CCDC91: variants seen among roughly 807,000 people sequenced by gnomAD.
CCDC91 encodes the protein coiled-coil domain containing 91.
In CCDC91, 48 loss-of-function variants were observed where a neutral mutation model predicts 63.2. The ratio of observed to expected loss-of-function variants is 0.76; its 90% confidence interval spans 0.60 to 0.97. CCDC91 has a LOEUF of 0.97. CCDC91 is among the 50% of genes least tolerant of loss of function. The pLI is 0.00. For missense variants in CCDC91, 500 were observed against 494.6 expected, an observed-to-expected ratio of 1.01 and a Z score of -0.10; for synonymous variants, 167 against 165.8, an observed-to-expected ratio of 1.01 and a Z score of -0.06.
intron 1 of CCDC91, chr12:28,190,886 C>G (rs964428052): frequency 1.3e-5 from 2 of 152,246 alleles, no homozygotes; most frequent in Non-Finnish European, 2.9e-5. Flanking sequence ...CGGTGGGTAC[C>G]GGTATCTGCA....
intron 10 of CCDC91, 72 bp downstream of exon 10, chr12:28,450,490 C>G (rs1185030689): frequency 2.9e-6 from 3 of 1,037,858 alleles, no homozygotes; most frequent in Admixed American, 2.0e-5. Flanking sequence ...TAATAGTATT[C>G]TCAATCTTTT....
Position 28,351,676 on chromosome 12 carries a change from CT to C in CCDC91, c.577-10749del, listed in dbSNP as rs539085210. Among the ~76,000 whole-genome samples, 110 of 145,574 alleles carry C rather than the reference CT, an allele frequency of 7.6e-4. No individual in the cohort carries two copies. In the South Asian group the frequency reaches 0.012, roughly 15 times the overall value. On this transcript the variant is annotated intron_variant, in intron 6 of 12. Coordinates refer to ENST00000536442, the MANE Select transcript of CCDC91 (RefSeq NM_018318.5). ...TAGATCTAACCTCAGGTCATTCCTC[CT>C]TTTTTTTTTTTTCTGAAGATTAGCA... is the stretch of plus-strand genomic sequence containing the variant.
In CCDC91 at chr12:28,382,845, G is replaced by A. The variant is rs78120634; in HGVS notation, c.655-8459G>A. Among the ~76,000 whole-genome samples the A allele has an allele frequency of 2.2e-3, 331 of 152,084 alleles. 3 individuals are homozygous for A. Among genetic ancestry groups the A allele is most frequent in the African/African-American group, 7.5e-3 (313 of 41,486 alleles). ...TTAATTGTATGAATGATTATGAAGA[G>A]GTTATTTTGGTCAGAATTTTTTTTT... is the stretch of plus-strand genomic sequence containing the variant. On this transcript the variant is annotated intron_variant, in intron 7 of 12. Coordinates refer to ENST00000536442, the MANE Select transcript of CCDC91 (RefSeq NM_018318.5).
At chr12:28,518,321 A>G (rs1284713778) in intron 12 of CCDC91, among the ~76,000 whole-genome samples, 1 of 151,694 alleles carries the variant, frequency 6.6e-6, no homozygotes, top group East Asian at 1.9e-4. Flanking sequence ...TCTTATGGCC[A>G]TTGTTGCAGT....
At chr12:28,503,464 G>A (rs1938244796) in intron 12 of CCDC91, among the ~76,000 whole-genome samples, 1 of 152,144 alleles carries the variant, frequency 6.6e-6, no homozygotes, top group Non-Finnish European at 1.5e-5. Flanking sequence ...TGGAGAAATA[G>A]GAACACTTTT....
chr12:28,374,124 C>T (rs1167529409), intron 7 of CCDC91, among the ~76,000 whole-genome samples: 12 of 152,138 alleles, frequency 7.9e-5, no homozygotes, highest in African/African-American at 1.7e-4. Context: ...GTTCCCCCTG[C>T]TAGCTCCTCA....
chr12:28,432,316 T>G (rs1026259519), intron 8 of CCDC91, among the ~76,000 whole-genome samples: 3 of 152,068 alleles, frequency 2.0e-5, no homozygotes, highest in African/African-American at 7.2e-5. Context: ...TTCTCATATG[T>G]TGAGGGAGGG....
chr12:28,462,819 A>C (rs1469303563), intron 11 of CCDC91, among the ~76,000 whole-genome samples: 3 of 152,076 alleles, frequency 2.0e-5, no homozygotes. Flanking sequence ...AAGATATTCT[A>C]TGAGCACATT....
At chr12:28,256,847 G>C (rs1274457372) in intron 1 of CCDC91, 1 of 192,328 alleles carries the variant, frequency 5.2e-6, no homozygotes, top group Non-Finnish European at 1.1e-5. Flanking sequence ...TTCTTAGCTG[G>C]AGTTTGTGCT....
At chr12:28,372,585 ATT>A (rs34189454) in intron 7 of CCDC91, among the ~76,000 whole-genome samples, 1 of 148,398 alleles carries the variant, frequency 6.7e-6, no homozygotes, top group African/African-American at 2.5e-5. Context: ...GGGTATTTAA[ATT>A]TTTTTTTTGT....
At chr12:28,322,921 TC>T (rs1312855599) in intron 6 of CCDC91, among the ~76,000 whole-genome samples, 3 of 151,614 alleles carry the variant, frequency 2.0e-5, no homozygotes, top group Non-Finnish European at 4.4e-5. Flanking sequence ...AATTTTTATT[TC>T]CTTATTAGTA....
At chr12:28,433,467 A>G (rs562161953) in intron 8 of CCDC91, among the ~76,000 whole-genome samples, 1 of 152,106 alleles carries the variant, frequency 6.6e-6, no homozygotes, top group Middle Eastern at 3.4e-3. Context: ...AATTTTTTAA[A>G]AAGACTATCT....
At chr12:28,509,565 GT>G (rs1565496500) in intron 12 of CCDC91, among the ~76,000 whole-genome samples, 1 of 151,652 alleles carries the variant, frequency 6.6e-6, no homozygotes, top group African/African-American at 2.4e-5. Flanking sequence ...GACTTAAAGG[GT>G]TTTATTTATA....
chr12:28,527,941 C>A (rs1399285672), intron 12 of CCDC91, among the ~76,000 whole-genome samples: 1 of 152,144 alleles, frequency 6.6e-6, no homozygotes, highest in African/African-American at 2.4e-5. Context: ...GGTCTCACTC[C>A]CACTGTGCCC....
chr12:28,238,412 A>G (rs1945110962), intron 1 of CCDC91, among the ~76,000 whole-genome samples: 2 of 152,220 alleles, frequency 1.3e-5, no homozygotes, highest in Non-Finnish European at 2.9e-5. Context: ...AAGAACCAGC[A>G]ATAACATTGT....
intron 11 of CCDC91, among the ~76,000 whole-genome samples, chr12:28,461,122 A>T (rs1055964230): frequency 3.3e-5 from 5 of 152,046 alleles, no homozygotes; most frequent in Non-Finnish European, 7.4e-5. Flanking sequence ...ACAAAAAAAA[A>T]GAACAGTAAA....
At chr12:28,357,846 T>C (rs1165298230) in intron 6 of CCDC91, among the ~76,000 whole-genome samples, 3 of 152,206 alleles carry the variant, frequency 2.0e-5, no homozygotes, top group Non-Finnish European at 2.9e-5. Context: ...TTTGCTTTTG[T>C]CATCTCTTTC....
At chr12:28,391,520 G>T in intron 8 of CCDC91, 109 bp downstream of exon 8, 1 of 610,664 alleles carries the variant, frequency 1.6e-6, no homozygotes. Flanking sequence ...GGTGTATTTT[G>T]GAGAAAAAAT....
At chr12:28,315,441 C>G (rs1592283601) in intron 6 of CCDC91, among the ~76,000 whole-genome samples, 1 of 151,926 alleles carries the variant, frequency 6.6e-6, no homozygotes, top group East Asian at 1.9e-4. Context: ...GCTGGGATTA[C>G]AGGCATGAGC....
Sources: allele counts gnomAD v4.1 joint callset (sites outside exome capture counted in the v4.1 genomes callset), GRCh38; gene constraint gnomAD v4.1.1; transcripts MANE v1.5; gene names NCBI Gene and HGNC (gene_info 2026-07-23, HGNC 2026-07-21).